Variants in TASP1 observed in about 807,000 individuals in gnomAD.
TASP1 encodes the protein taspase 1.
A neutral mutation model predicts 56.6 loss-of-function variants in TASP1; 16 were observed. That is an observed-to-expected ratio of 0.28 (90% CI 0.19 to 0.43). The LOEUF (loss-of-function observed/expected upper bound fraction) is 0.43, where lower values mean the gene tolerates loss of function less well. Ranked by LOEUF, TASP1 falls within the 20% of genes least tolerant of loss-of-function variation. TASP1 has a pLI of 1.00. For missense variants in TASP1, 393 were observed against 511.6 expected, an observed-to-expected ratio of 0.77 and a Z score of 2.24; for synonymous variants, 179 against 184.2, an observed-to-expected ratio of 0.97 and a Z score of 0.23.
the TASP1 span, among the ~76,000 whole-genome samples, chr20:13,193,604 G>A: frequency 6.6e-6 from 1 of 152,180 alleles, no homozygotes; most frequent in Non-Finnish European, 1.5e-5. Flanking sequence ...ATAAACACTG[G>A]TTTAAACAAA....
the TASP1 span, among the ~76,000 whole-genome samples, chr20:13,371,683 C>T: frequency 6.6e-6 from 1 of 152,018 alleles, no homozygotes. Context: ...TACTGTTGTT[C>T]AAGTCTTGTA....
At chr20:13,329,594 C>T in the TASP1 span, among the ~76,000 whole-genome samples, 6 of 152,118 alleles carry the variant, frequency 3.9e-5, no homozygotes, top group East Asian at 1.2e-3. Context: ...CTTACAAATA[C>T]AAACAACTTG....
chr20:13,314,768 AGT>A, the TASP1 span, among the ~76,000 whole-genome samples: 3 of 151,996 alleles, frequency 2.0e-5, no homozygotes, highest in East Asian at 3.8e-4. Flanking sequence ...AACAGATAAC[AGT>A]GTGTTCAAAA....
chr20:13,140,201 G>T, the TASP1 span, among the ~76,000 whole-genome samples: 3 of 152,114 alleles, frequency 2.0e-5, no homozygotes, highest in East Asian at 1.9e-4. Context: ...TTGAAGAGGG[G>T]ATGTGATGAG....
chr20:13,483,404 A>C, intron 10 of TASP1, 67 bp from the exon 11 acceptor site: 3 of 1,058,666 alleles, frequency 2.8e-6, no homozygotes, highest in Non-Finnish European at 4.0e-6. Context: ...TTTCAATAGC[A>C]TTAGAACACC....
chr20:13,565,969 T>C (rs1364928065), intron 7 of TASP1, among the ~76,000 whole-genome samples: 1 of 152,170 alleles, frequency 6.6e-6, no homozygotes, highest in East Asian at 1.9e-4. Flanking sequence ...GATGAGTAGA[T>C]AAACAAAATG....
At chr20:13,560,172 C>G (rs2046298412) in intron 7 of TASP1, among the ~76,000 whole-genome samples, 2 of 152,094 alleles carry the variant, frequency 1.3e-5, no homozygotes, top group African/African-American at 4.8e-5. Context: ...CAAACTGGAA[C>G]ATAACACTGA....
At chr20:13,391,967 CAAAAAAA>C (rs36124207) in intron 13 of TASP1, among the ~76,000 whole-genome samples, 3 of 71,884 alleles carry the variant, frequency 4.2e-5, no homozygotes, top group East Asian at 9.9e-4. Flanking sequence ...GACTCCGTCT[CAAAAAAA>C]AAAAAAAAAA....
chr20:13,434,109 T>A (rs1028187707), intron 12 of TASP1, among the ~76,000 whole-genome samples: 2 of 152,072 alleles, frequency 1.3e-5, no homozygotes, highest in African/African-American at 4.8e-5. Flanking sequence ...CCAGAAGGTG[T>A]CAAAAGGGGA....
intron 4 of TASP1, among the ~76,000 whole-genome samples, chr20:13,592,728 AT>A (rs940210024): frequency 2.2e-4 from 34 of 151,192 alleles, no homozygotes; most frequent in African/African-American, 8.0e-4. Context: ...CTTTTGTATA[AT>A]TTTTTTTCTT....
chr20:13,220,406 G>T, the TASP1 span, among the ~76,000 whole-genome samples: 1 of 152,254 alleles, frequency 6.6e-6, no homozygotes, highest in Non-Finnish European at 1.5e-5. Context: ...GCACGCGGGA[G>T]CCCGAGGCTG....
the TASP1 span, among the ~76,000 whole-genome samples, chr20:13,323,529 C>T: frequency 8.5e-5 from 13 of 152,304 alleles, no homozygotes; most frequent in African/African-American, 3.1e-4. Flanking sequence ...ATAAATGCTT[C>T]AGTATGATAC....
At chr20:13,460,645 C>G (rs2044020740) in intron 11 of TASP1, among the ~76,000 whole-genome samples, 1 of 152,150 alleles carries the variant, frequency 6.6e-6, no homozygotes. Flanking sequence ...ACAGAAACCT[C>G]ATTTCTCTTC....
chr20:13,297,044 A>T, the TASP1 span, among the ~76,000 whole-genome samples: 20,812 of 151,992 alleles, frequency 0.14, 1,495 homozygotes, highest in East Asian at 0.18. Context: ...CCGCCAAAAA[A>T]AAAGATGTAT....
chr20:13,576,369 G>GAA (rs1568603203), intron 6 of TASP1, among the ~76,000 whole-genome samples: 1 of 121,570 alleles, frequency 8.2e-6, no homozygotes, highest in Non-Finnish European at 1.8e-5. Context: ...AAGAAAGAAA[G>GAA]AAAGAAAGAA....
intron 11 of TASP1, among the ~76,000 whole-genome samples, chr20:13,453,637 C>G (rs2043713164): frequency 1.3e-5 from 2 of 152,056 alleles, no homozygotes; most frequent in Admixed American, 1.3e-4. Flanking sequence ...TGGATAGCAT[C>G]ATTAATTTTC....
intron 13 of TASP1, chr20:13,393,372 C>A: frequency 1.3e-6 from 1 of 744,092 alleles, no homozygotes; most frequent in Non-Finnish European, 2.4e-6. Flanking sequence ...CATGGCCTTC[C>A]ATGTCCCCAT....
chr20:13,331,610 A>G, the TASP1 span, among the ~76,000 whole-genome samples: 2 of 150,946 alleles, frequency 1.3e-5, no homozygotes, highest in South Asian at 4.2e-4. Flanking sequence ...ATAAACTTGT[A>G]CTTCATTTTT....
chr20:13,289,293 C>A, the TASP1 span, among the ~76,000 whole-genome samples: 1 of 152,172 alleles, frequency 6.6e-6, no homozygotes, highest in East Asian at 1.9e-4. Flanking sequence ...GGCAGACACT[C>A]ATGGTCTGAT....
Sources: gnomAD v4.1 joint callset for allele counts (sites outside exome capture counted in the v4.1 genomes callset) on GRCh38, gnomAD v4.1.1 for gene constraint, MANE v1.5 for transcripts, NCBI Gene and HGNC (gene_info 2026-07-23, HGNC 2026-07-21) for gene names.